CPA6: variants seen among roughly 807,000 people sequenced by gnomAD.
The protein encoded by CPA6 is carboxypeptidase A6.
Under a neutral mutation model 63.3 loss-of-function variants are expected in CPA6, and 58 were observed. The ratio of observed to expected loss-of-function variants is 0.92; its 90% CI spans 0.74 to 1.14. The LOEUF is 1.14. CPA6 is among the 50% of genes most tolerant of loss of function. The pLI is 0.00. For missense variants in CPA6, 565 were observed against 526.6 expected (o/e 1.07, Z -0.71); for synonymous variants, 185 against 179.0 (o/e 1.03, Z -0.27).
At chr8:67,699,504 T>C (rs572939680) in intron 1 of CPA6, among the ~76,000 whole-genome samples, 76 of 150,226 alleles carry the variant, frequency 5.1e-4, no homozygotes, top group South Asian at 1.3e-3. Context: ...AATAAATAAA[T>C]AAACAAACAA....
intron 7 of CPA6, 64 bp downstream of exon 7, chr8:67,484,615 T>C (rs1563971596): frequency 1.2e-6 from 1 of 855,914 alleles, no homozygotes; most frequent in Non-Finnish European, 1.9e-6. Context: ...TCCTGGAAGT[T>C]TGTGACTCTG....
intron 2 of CPA6, among the ~76,000 whole-genome samples, chr8:67,595,516 T>G (rs557586099): frequency 2.6e-5 from 4 of 152,340 alleles, no homozygotes; most frequent in South Asian, 2.1e-4. Context: ...CAGGCCTCCT[T>G]GAGCTGTGGT....
At chr8:67,536,056 T>C (rs773959688) in intron 2 of CPA6, among the ~76,000 whole-genome samples, 17 of 152,134 alleles carry the variant, frequency 1.1e-4, no homozygotes, top group Non-Finnish European at 2.1e-4. Context: ...ACTGTTCCAT[T>C]GGTCTATATA....
At chr8:67,440,136 G>T (rs1009060808) in intron 8 of CPA6, among the ~76,000 whole-genome samples, 32 of 152,274 alleles carry the variant, frequency 2.1e-4, no homozygotes, top group South Asian at 2.1e-4. Flanking sequence ...TGGAATCAAG[G>T]TGTCAGCAGG....
At position 67,616,501 on chromosome 8, in the gene CPA6, A is replaced by ATGTGTGTGTGTGTGTG. The variant is rs4009134; in HGVS notation, c.192+7659_192+7674dup. ...CATCTGGGATTTGGTGGCAAATTGA[A>ATGTGTGTGTGTGTGTG]TGTGTGTGTGTGTGTGTGTGTGTGT... On this transcript the variant is annotated intron_variant, in intron 2 of 10. Coordinates refer to ENST00000297770, the MANE Select transcript of CPA6 (RefSeq NM_020361.5). Among the ~76,000 whole-genome samples, 33 of 126,952 alleles carry ATGTGTGTGTGTGTGTG rather than the reference A, an allele frequency of 2.6e-4. 1 individual carries two copies. Among genetic ancestry groups the ATGTGTGTGTGTGTGTG allele is most frequent in the Non-Finnish European group, 1.2e-4 (7 of 59,850 alleles). 83.3% of individuals were successfully genotyped at this position (126,952 alleles called of 152,430 possible).
At chr8:67,653,298 T>C (rs1338186676) in intron 1 of CPA6, among the ~76,000 whole-genome samples, 1 of 152,242 alleles carries the variant, frequency 6.6e-6, no homozygotes, top group Non-Finnish European at 1.5e-5. Context: ...GGTAGCTTGA[T>C]GGGGAGGGCA....
At chr8:67,643,347 C>T (rs1021692591) in intron 1 of CPA6, among the ~76,000 whole-genome samples, 2 of 152,110 alleles carry the variant, frequency 1.3e-5, no homozygotes, top group African/African-American at 2.4e-5. Flanking sequence ...GAAAACTAAA[C>T]TGTACCTCTC....
At chr8:67,545,638 G>A (rs1812802252) in intron 2 of CPA6, among the ~76,000 whole-genome samples, 2 of 144,220 alleles carry the variant, frequency 1.4e-5, no homozygotes, top group Admixed American at 1.5e-4. Flanking sequence ...CGTGATCTCG[G>A]CTCACTGCAC....
chr8:67,491,860 G>A (rs1350385204), intron 6 of CPA6, among the ~76,000 whole-genome samples: 1 of 152,154 alleles, frequency 6.6e-6, no homozygotes, highest in Non-Finnish European at 1.5e-5. Context: ...AAATAAAAAT[G>A]AGCATCAAGA....
intron 6 of CPA6, among the ~76,000 whole-genome samples, chr8:67,491,402 C>G (rs559668254): frequency 1.3e-4 from 19 of 151,924 alleles, no homozygotes; most frequent in African/African-American, 4.6e-4. Context: ...CTTGTATATT[C>G]TAGTTATTTT....
chr8:67,445,452 ATCCCTGATATATATT>A (rs112294896), intron 8 of CPA6, among the ~76,000 whole-genome samples: 10,157 of 152,162 alleles, frequency 0.067, 780 homozygotes, highest in African/African-American at 0.19. Context: ...CTTTTTGCAT[ATCCCTGATATATATT>A]TTTAGTTTAT....
rs566035653 is a variant in CPA6 at position 67,453,533 on chromosome 8, C to G, written c.839-19293G>C. On this transcript the variant is annotated intron_variant, in intron 8 of 10. Coordinates refer to ENST00000297770, the MANE Select transcript of CPA6 (RefSeq NM_020361.5). Reference sequence around the variant, plus strand: ...TGGAGCTTGGGAGAGAGTTTAACATCTGGAGATTTGGGGGTCATAGGCACA... The same window carrying G: ...TGGAGCTTGGGAGAGAGTTTAACATGTGGAGATTTGGGGGTCATAGGCACA... 5.9e-5 allele frequency among the ~76,000 whole-genome samples: 9 copies of G among 152,166 alleles called. No homozygotes were observed. The South Asian group carries it at 1.9e-3, about 32-fold the overall frequency.
chr8:67,625,046 A>G (rs1815165494), intron 1 of CPA6, among the ~76,000 whole-genome samples: 1 of 152,024 alleles, frequency 6.6e-6, no homozygotes, highest in Admixed American at 6.6e-5. Context: ...AGGTGTGTAT[A>G]GCAGGGAAGA....
chr8:67,557,759 A>G (rs1813098772), intron 2 of CPA6, among the ~76,000 whole-genome samples: 1 of 152,280 alleles, frequency 6.6e-6, no homozygotes, highest in African/African-American at 2.4e-5. Context: ...CTTTGGTCAT[A>G]AGTTCAGCAT....
At chr8:67,613,954 G>T (rs1814875438) in intron 2 of CPA6, among the ~76,000 whole-genome samples, 1 of 152,092 alleles carries the variant, frequency 6.6e-6, no homozygotes, top group South Asian at 2.1e-4. Flanking sequence ...TCGGAGAGGA[G>T]TCGGGCCTAT....
chr8:67,617,625 T>C (rs1814987533), intron 2 of CPA6, among the ~76,000 whole-genome samples: 1 of 152,240 alleles, frequency 6.6e-6, no homozygotes, highest in African/African-American at 2.4e-5. Context: ...GTATTTAAAG[T>C]ATTAGATTTT....
intron 1 of CPA6, among the ~76,000 whole-genome samples, chr8:67,644,725 C>T (rs1260862001): frequency 6.6e-6 from 1 of 152,114 alleles, no homozygotes; most frequent in African/African-American, 2.4e-5. Flanking sequence ...TGTTGGCTTG[C>T]ACATGTCAGG....
At chr8:67,662,126 G>A (rs1051296119) in intron 1 of CPA6, among the ~76,000 whole-genome samples, 1 of 152,194 alleles carries the variant, frequency 6.6e-6, no homozygotes, top group Admixed American at 6.5e-5. Flanking sequence ...ACAGGGGAAA[G>A]AAGGAAGGCA....
chr8:67,548,916 G>A (rs377071125), intron 2 of CPA6, among the ~76,000 whole-genome samples: 23 of 152,322 alleles, frequency 1.5e-4, no homozygotes, highest in East Asian at 3.9e-4. Context: ...TGTGACCCTC[G>A]TGTCAGGGGA....
Sources: allele counts gnomAD v4.1 joint callset (sites outside exome capture counted in the v4.1 genomes callset), GRCh38; gene constraint gnomAD v4.1.1; transcripts MANE v1.5; gene names NCBI Gene and HGNC (gene_info 2026-07-23, HGNC 2026-07-21).